Variants in RNF38 observed in about 807,000 individuals in gnomAD.
RNF38 encodes the protein ring finger protein 38, also known as E3 ubiquitin-protein ligase RNF38.
Under a neutral mutation model 67.2 loss-of-function variants are expected in RNF38, and 15 were observed. The ratio of observed to expected loss-of-function variants is 0.22; its 90% CI spans 0.15 to 0.34. The LOEUF is 0.34. Among genes scored for constraint, RNF38 ranks in the 10% least tolerant of loss-of-function variants. The probability of loss-of-function intolerance (pLI) is 1.00; values close to 1 mark genes in which losing one functional copy is unlikely to be tolerated. For missense variants in RNF38, 524 were observed against 639.9 expected, an observed-to-expected ratio of 0.82 and a Z score of 1.95; for synonymous variants, 220 against 218.8, an observed-to-expected ratio of 1.01 and a Z score of -0.05.
chr9:36,445,293 T>C (rs1564065792), intron 1 of RNF38, among the ~76,000 whole-genome samples: 2 of 152,208 alleles, frequency 1.3e-5, no homozygotes, highest in African/African-American at 4.8e-5. Flanking sequence ...AGCAGAGAAG[T>C]TGAACATGGT....
At position 36,343,069 on chromosome 9, in the gene RNF38, T is replaced by C. The variant is rs532903504; in HGVS notation, c.1386-645A>G. ...ACTATAATACTTAATACAATGTAAGTGCTATGTAAATAGTTGTTATACTGT... is the reference window on the plus strand; with the variant it reads ...ACTATAATACTTAATACAATGTAAGCGCTATGTAAATAGTTGTTATACTGT... On this transcript the variant is annotated intron_variant, in intron 10 of 11. Transcript: ENST00000259605. 8.5e-5 allele frequency among the ~76,000 whole-genome samples: 13 copies of C among 152,132 alleles called. No homozygotes were observed. In the East Asian group the frequency reaches 1.5e-3, roughly 18 times the overall value.
upstream of RNF38, chr9:36,400,427 G>A: frequency 4.5e-6 from 5 of 1,102,824 alleles, no homozygotes; most frequent in Non-Finnish European, 5.5e-6. Flanking sequence ...CGCCACCGCG[G>A]GAACAAAGAG....
upstream of RNF38, chr9:36,401,215 G>GGGCGGGGCTGCGCGC: frequency 1.0e-6 from 1 of 983,726 alleles, no homozygotes; most frequent in Non-Finnish European, 1.2e-6. Context: ...GGGCGGGGCG[G>GGGCGGGGCTGCGCGC]GGCGGGGCTG....
chr9:36,397,358 C>G (rs1025528137), intron 1 of RNF38, among the ~76,000 whole-genome samples: 1 of 152,036 alleles, frequency 6.6e-6, no homozygotes, highest in African/African-American at 2.4e-5. Context: ...AGGTGATCCA[C>G]CAACCTCGGC....
At chr9:36,476,938 C>A (rs1286537863) in intron 1 of RNF38, among the ~76,000 whole-genome samples, 1 of 152,134 alleles carries the variant, frequency 6.6e-6, no homozygotes, top group African/African-American at 2.4e-5. Context: ...ACACTATCTA[C>A]CTGTACACCA....
At chr9:36,374,116 T>G (rs1269504875) in intron 3 of RNF38, among the ~76,000 whole-genome samples, 1 of 152,228 alleles carries the variant, frequency 6.6e-6, no homozygotes, top group African/African-American at 2.4e-5. Context: ...ATAAAATACT[T>G]TATCTGCTAG....
rs144102072 is a variant in RNF38 at position 36,472,402 on chromosome 9, T to G, written n.241+14906A>C. Among the ~76,000 whole-genome samples the G allele has an allele frequency of 2.0e-4, 30 of 152,340 alleles. No homozygotes were observed. The East Asian group carries it at 5.2e-3, about 26-fold the overall frequency. ...TCTCTAACCCATAGCCCAGGATGGC[T>G]TTCAATGCAGCCCAACACAAATTCA... On this transcript the variant is annotated intron_variant and non_coding_transcript_variant, in intron 1 of 3. Transcript: ENST00000488058.
In RNF38 at chr9:36,400,206, G is replaced by A. The variant is rs1033152927; in HGVS notation, c.-98C>T. 7.9e-6 allele frequency: 12 copies of A among 1,526,364 alleles called. No homozygotes were observed. Among genetic ancestry groups the A allele is most frequent in the Non-Finnish European group, 9.7e-6 (11 of 1,138,822 alleles). 94.6% of individuals were successfully genotyped at this position (1,526,364 alleles called of 1,614,324 possible). On this transcript the variant is annotated 5_prime_UTR_variant, in exon 1 of 12. Transcript: ENST00000259605. The stretch of plus-strand genomic sequence containing the variant: ...CTCTCTCACGCTTCAACCCTGAAAG[G>A]AAGAACTTGCATCCCCTGAGAACAA...
intron 1 of RNF38, among the ~76,000 whole-genome samples, chr9:36,461,587 G>A (rs995620538): frequency 6.6e-6 from 1 of 152,164 alleles, no homozygotes; most frequent in Non-Finnish European, 1.5e-5. Flanking sequence ...AAAAATTGGA[G>A]ACCAGACAAG....
intron 4 of RNF38, among the ~76,000 whole-genome samples, chr9:36,360,152 TG>T (rs1425470397): frequency 3.2e-5 from 4 of 124,516 alleles, no homozygotes; most frequent in Non-Finnish European, 1.7e-5. Flanking sequence ...AAGACAGGAT[TG>T]AAAAAAAAAA....
Position 36,400,109 on chromosome 9 carries a change from A to T in RNF38, c.-1T>A, listed in dbSNP as rs1465250323. ...AAAAATACTTTACCTTACAAGCCATACAGACGTAAACAAAAACTTTATTTC... is the reference window on the plus strand; with the variant it reads ...AAAAATACTTTACCTTACAAGCCATTCAGACGTAAACAAAAACTTTATTTC... On this transcript the variant is annotated 5_prime_UTR_variant, in exon 1 of 12. Transcript: ENST00000259605. The T allele has an allele frequency of 1.2e-6, 2 of 1,612,732 alleles. No homozygotes were observed. The highest frequency in any genetic ancestry group is 1.3e-5 in the African/African-American group (1 of 74,890).
chr9:36,405,528 A>C (rs992569717), upstream of RNF38, among the ~76,000 whole-genome samples: 8 of 152,220 alleles, frequency 5.3e-5, no homozygotes, highest in Non-Finnish European at 1.2e-4. Context: ...TTTTGTTACA[A>C]AGACTTATGC....
chr9:36,487,217 G>T, intron 1 of RNF38: 1 of 816,918 alleles, frequency 1.2e-6, no homozygotes, highest in Non-Finnish European at 1.5e-6. Flanking sequence ...CCCCGTCGGC[G>T]GGGCCGGGCG....
upstream of RNF38, among the ~76,000 whole-genome samples, chr9:36,402,549 T>G (rs1369478845): frequency 6.6e-6 from 1 of 151,860 alleles, no homozygotes; most frequent in African/African-American, 2.4e-5. Flanking sequence ...GAAGTAGCTT[T>G]TCCTCCAAGC....
chr9:36,469,260 TAC>T (rs1455795909), intron 1 of RNF38, among the ~76,000 whole-genome samples: 1 of 152,192 alleles, frequency 6.6e-6, no homozygotes, highest in African/African-American at 2.4e-5. Context: ...CACAGTAAAA[TAC>T]AGAGAAGTGT....
At chr9:36,343,807 T>C (rs1197772451) in intron 10 of RNF38, among the ~76,000 whole-genome samples, 1 of 152,070 alleles carries the variant, frequency 6.6e-6, no homozygotes, top group African/African-American at 2.4e-5. Flanking sequence ...AAAGACCCTA[T>C]ATTGTATGAC....
intron 2 of RNF38, among the ~76,000 whole-genome samples, chr9:36,413,407 T>C (rs1838381032): frequency 6.6e-6 from 1 of 152,172 alleles, no homozygotes; most frequent in Non-Finnish European, 1.5e-5. Context: ...CTTTATAAAT[T>C]TCCCAGCCTC....
intron 1 of RNF38, among the ~76,000 whole-genome samples, chr9:36,479,646 C>G (rs1840202542): frequency 6.6e-6 from 1 of 151,986 alleles, no homozygotes; most frequent in East Asian, 1.9e-4. Context: ...AGCTATCATC[C>G]TAATTAACCA....
At chr9:36,437,870 G>A (rs1409653960) in intron 1 of RNF38, among the ~76,000 whole-genome samples, 5 of 152,218 alleles carry the variant, frequency 3.3e-5, no homozygotes, top group Non-Finnish European at 7.3e-5. Flanking sequence ...TTCTTAGGCA[G>A]GAGTCTGTGA....
Sources: gnomAD v4.1 joint callset for allele counts (sites outside exome capture counted in the v4.1 genomes callset) on GRCh38, gnomAD v4.1.1 for gene constraint, MANE v1.5 for transcripts, NCBI Gene and HGNC (gene_info 2026-07-23, HGNC 2026-07-21) for gene names.